The following ADORA2B variants were observed in gnomAD, a reference collection of about 807,000 sequenced individuals.
The protein encoded by ADORA2B is adenosine A2b receptor, also known as adenosine receptor A2b.
A neutral mutation model predicts 20.8 loss-of-function variants in ADORA2B; 18 were observed. The observed-to-expected ratio is 0.87, with a 90% CI of 0.60 to 1.29. The LOEUF is 1.29. Among genes scored for constraint, ADORA2B ranks in the 50% most tolerant of loss-of-function variants. The pLI is 0.00. For synonymous variants in ADORA2B, 179 were observed against 178.3 expected (o/e 1.00, Z -0.03); for missense variants, 441 against 422.7 (o/e 1.04, Z -0.38).
chr17:15,856,303 C>G, the ADORA2B span, among the ~76,000 whole-genome samples: 4 of 151,884 alleles, frequency 2.6e-5, no homozygotes, highest in African/African-American at 7.3e-5. Context: ...AAGAAGGTGC[C>G]TATTTCCCTT....
intron 1 of ADORA2B, among the ~76,000 whole-genome samples, chr17:15,970,649 C>T (rs769969096): frequency 2.6e-5 from 4 of 152,076 alleles, no homozygotes; most frequent in Non-Finnish European, 5.9e-5. Flanking sequence ...GATAAAAGTC[C>T]TCTCCAGTTT....
intron 1 of ADORA2B, among the ~76,000 whole-genome samples, chr17:15,970,968 A>G (rs1461259642): frequency 6.6e-6 from 1 of 152,198 alleles, no homozygotes; most frequent in Non-Finnish European, 1.5e-5. Flanking sequence ...ATCAGGGAGT[A>G]AAATCTTTCC....
chr17:15,949,406 G>A (rs937035819), intron 1 of ADORA2B, among the ~76,000 whole-genome samples: 3 of 151,668 alleles, frequency 2.0e-5, no homozygotes, highest in Admixed American at 6.6e-5. Flanking sequence ...CCAGCTACTC[G>A]GGAGGCTGAG....
the ADORA2B span, among the ~76,000 whole-genome samples, chr17:15,937,317 C>T: frequency 1.3e-5 from 2 of 152,184 alleles, no homozygotes; most frequent in Non-Finnish European, 2.9e-5. Context: ...GCTTAGTGGT[C>T]AGCTGATAAT....
At chr17:15,967,829 T>C (rs1328851727) in intron 1 of ADORA2B, among the ~76,000 whole-genome samples, 3 of 152,138 alleles carry the variant, frequency 2.0e-5, no homozygotes, top group African/African-American at 7.2e-5. Flanking sequence ...TCGTAGCCCT[T>C]TTTTGGATTC....
chr17:15,927,649 A>AAAAAT, the ADORA2B span, among the ~76,000 whole-genome samples: 1 of 152,350 alleles, frequency 6.6e-6, no homozygotes, highest in Non-Finnish European at 1.5e-5. Flanking sequence ...CTCCGTCTCA[A>AAAAAT]AAAATAAAAT....
At chr17:15,920,907 G>A in the ADORA2B span, among the ~76,000 whole-genome samples, 2 of 152,196 alleles carry the variant, frequency 1.3e-5, no homozygotes, top group Admixed American at 1.3e-4. Context: ...CACAACTGTA[G>A]GCATCTGGGA....
At chr17:15,887,158 T>C in the ADORA2B span, among the ~76,000 whole-genome samples, 1 of 130,364 alleles carries the variant, frequency 7.7e-6, no homozygotes, top group African/African-American at 3.3e-5. Flanking sequence ...CTGTGCAGCA[T>C]CTGCCTGAAC....
At chr17:15,909,948 G>A in the ADORA2B span, among the ~76,000 whole-genome samples, 3 of 152,216 alleles carry the variant, frequency 2.0e-5, no homozygotes, top group African/African-American at 7.2e-5. Flanking sequence ...AGAAGTGCTG[G>A]ATCTGGCCCG....
the ADORA2B span, among the ~76,000 whole-genome samples, chr17:15,914,937 C>T: frequency 9.1e-3 from 1,383 of 152,308 alleles, 27 homozygotes; most frequent in African/African-American, 0.031. Flanking sequence ...GTGACTACCT[C>T]GGGCTGAGTC....
chr17:15,870,438 A>T, the ADORA2B span, among the ~76,000 whole-genome samples: 21 of 152,306 alleles, frequency 1.4e-4, no homozygotes, highest in South Asian at 2.1e-4. Flanking sequence ...CAGGAGCTCG[A>T]GACCAGGCTG....
At chr17:15,951,141 C>T (rs915909480) in intron 1 of ADORA2B, among the ~76,000 whole-genome samples, 1 of 152,178 alleles carries the variant, frequency 6.6e-6, no homozygotes, top group Non-Finnish European at 1.5e-5. Flanking sequence ...CAGTGAGGGC[C>T]CAAGGGCTCT....
At chr17:15,866,126 T>G in the ADORA2B span, among the ~76,000 whole-genome samples, 170 of 152,350 alleles carry the variant, frequency 1.1e-3, no homozygotes, top group African/African-American at 3.9e-3. Flanking sequence ...TATGTTCTTG[T>G]CGATGTCTCT....
At chr17:15,887,722 C>T in the ADORA2B span, among the ~76,000 whole-genome samples, 70 of 125,468 alleles carry the variant, frequency 5.6e-4, 15 homozygotes, top group Non-Finnish European at 2.3e-4. Context: ...TTGAGGCAGA[C>T]GGATCATGAG....
chr17:15,867,491 A>C, the ADORA2B span, among the ~76,000 whole-genome samples: 1 of 145,434 alleles, frequency 6.9e-6, no homozygotes. Flanking sequence ...CTGAGAAGTG[A>C]GGAGCCCCTC....
the ADORA2B span, among the ~76,000 whole-genome samples, chr17:15,867,962 G>A: frequency 6.6e-6 from 1 of 151,488 alleles, no homozygotes; most frequent in Non-Finnish European, 1.5e-5. Context: ...TTGAGAAATC[G>A]GATGGTTGCC....
chr17:15,859,532 C>T, the ADORA2B span, among the ~76,000 whole-genome samples: 1 of 152,092 alleles, frequency 6.6e-6, no homozygotes, highest in Admixed American at 6.6e-5. Flanking sequence ...GGCCTGGTCT[C>T]TGGCTTGCTA....
chr17:15,906,741 A>G, the ADORA2B span, among the ~76,000 whole-genome samples: 1 of 152,194 alleles, frequency 6.6e-6, no homozygotes, highest in Non-Finnish European at 1.5e-5. Flanking sequence ...GGTTTTTTGG[A>G]AGGTTTTAAT....
the ADORA2B span, among the ~76,000 whole-genome samples, chr17:15,888,225 A>T: frequency 3.9e-5 from 5 of 128,980 alleles, 1 homozygote; most frequent in Non-Finnish European, 6.5e-5. Context: ...TGTAGAGCAG[A>T]CCACCCTGAA....
Sources: gnomAD v4.1 joint callset for allele counts (sites outside exome capture counted in the v4.1 genomes callset) on GRCh38, gnomAD v4.1.1 for gene constraint, MANE v1.5 for transcripts, NCBI Gene and HGNC (gene_info 2026-07-23, HGNC 2026-07-21) for gene names.